Variants in GALNT15 observed in about 807,000 individuals in gnomAD.
The protein encoded by GALNT15 is UDP-GalNAc transferase T15.
GALNT15 carries 67 observed loss-of-function variants against 66.8 expected under a neutral mutation model. The observed-to-expected ratio is 1.00, with a 90% CI of 0.82 to 1.23. The LOEUF is 1.23. GALNT15 is among the 50% of genes most tolerant of loss of function. GALNT15 has a pLI of 0.00. For synonymous variants in GALNT15, 313 were observed against 311.5 expected (o/e 1.00, Z -0.05); for missense variants, 827 against 804.3 (o/e 1.03, Z -0.34).
chr3:16,179,002 C>T (rs1378004329), intron 1 of GALNT15, among the ~76,000 whole-genome samples: 1 of 152,216 alleles, frequency 6.6e-6, no homozygotes, highest in African/African-American at 2.4e-5. Context: ...AGGCCACAGG[C>T]CTTTTTCTGA....
chr3:16,220,778 G>T (rs1008325850), intron 8 of GALNT15, among the ~76,000 whole-genome samples: 1 of 152,228 alleles, frequency 6.6e-6, no homozygotes, highest in African/African-American at 2.4e-5. Flanking sequence ...GAGGGTCTGT[G>T]GTCCAGCCCT....
chr3:16,237,347 C>T, the GALNT15 span, among the ~76,000 whole-genome samples: 2 of 152,340 alleles, frequency 1.3e-5, no homozygotes, highest in African/African-American at 4.8e-5. The surrounding 1 kb of genome is among the most constrained non-coding windows in gnomAD (Gnocchi z 4.2). Context: ...CTGTTATGAT[C>T]CATGCTTAGG....
At chr3:16,218,802 C>T (rs898931527) in intron 6 of GALNT15, among the ~76,000 whole-genome samples, 2 of 140,638 alleles carry the variant, frequency 1.4e-5, no homozygotes, top group African/African-American at 5.5e-5. Context: ...TAGACTCTCT[C>T]TCTCTCTCTT....
At chr3:16,240,359 C>A in the GALNT15 span, among the ~76,000 whole-genome samples, 1 of 152,160 alleles carries the variant, frequency 6.6e-6, no homozygotes. Flanking sequence ...GAACCACTGG[C>A]GTGGATGACT....
At position 16,227,560 on chromosome 3, in the gene GALNT15, TA is replaced by T. The variant is rs1559696272; in HGVS notation, c.*63del. On this transcript the variant is annotated 3_prime_UTR_variant, in exon 10 of 10. Coordinates refer to ENST00000339732, the MANE Select transcript of GALNT15 (RefSeq NM_054110.5). This position sits in a 1 kb window ranked among gnomAD's most constrained non-coding sequence, Gnocchi z 4.5. ...ATCAAAATCCAGCTCCAAGTGAACT[TA>T]AAGAGCTTATATATTTCATGAAGCT... The T allele has an allele frequency of 4.3e-6, 7 of 1,613,302 alleles. No homozygotes were observed. In the South Asian group the frequency reaches 7.7e-5, roughly 18 times the overall value.
the GALNT15 span, among the ~76,000 whole-genome samples, chr3:16,246,446 C>T: frequency 1.3e-5 from 2 of 151,142 alleles, no homozygotes; most frequent in Non-Finnish European, 2.9e-5. Flanking sequence ...CTGCCTCAGC[C>T]TCCTGAGTAG....
chr3:16,183,185 G>A lies in GALNT15; in HGVS notation c.539+7495G>A, dbSNP rs1481326925. The A allele has an allele frequency of 2.0e-5, 3 of 152,422 alleles. No individual in the cohort carries two copies. The highest frequency in any genetic ancestry group is 6.5e-5 in the Admixed American group (1 of 15,304). 9.4% of individuals were successfully genotyped at this position (152,422 alleles called of 1,614,324 possible). A position where few individuals can be genotyped will look rare whatever the true frequency, so the allele number is the denominator to read the frequency against. ...AGAGTTTGGAGAACCTGCACAAAGA[G>A]AAGGGGATGGCATGTACCTTGTGAC... On this transcript the variant is annotated intron_variant, in intron 1 of 9. Coordinates refer to ENST00000339732, the MANE Select transcript of GALNT15 (RefSeq NM_054110.5). The surrounding 1 kb of genome is among the most constrained non-coding windows in gnomAD (Gnocchi z 5.2).
chr3:16,201,281 A>T (rs1415039618), intron 3 of GALNT15, among the ~76,000 whole-genome samples: 1 of 151,984 alleles, frequency 6.6e-6, no homozygotes, highest in African/African-American at 2.4e-5. Context: ...TCCCGGGTTC[A>T]CGCCATTCTC....
intron 6 of GALNT15, among the ~76,000 whole-genome samples, chr3:16,217,085 A>C (rs1405494032): frequency 6.6e-6 from 1 of 152,088 alleles, no homozygotes; most frequent in Non-Finnish European, 1.5e-5. Context: ...CTAATAAAAC[A>C]CTCTGACCTC....
rs544558967 is a variant in GALNT15, at chr3:16,187,891, C to T, written c.540-7869C>T. ...TAATAAGACACCTGCATCACAGGTG[C>T]TACCCTATTCCTCCATTCTCCCTCA... is the stretch of plus-strand genomic sequence containing the variant. On this transcript the variant is annotated intron_variant, in intron 1 of 9. Coordinates refer to ENST00000339732, the MANE Select transcript of GALNT15 (RefSeq NM_054110.5). The surrounding 1 kb of genome is among the most constrained non-coding windows in gnomAD (Gnocchi z 5.1). Among the ~76,000 whole-genome samples, 1 of 152,198 alleles carries T rather than the reference C, an allele frequency of 6.6e-6. No individual in the cohort carries two copies. The highest frequency in any genetic ancestry group is 1.5e-5 in the Non-Finnish European group (1 of 68,036).
chr3:16,243,092 T>C, the GALNT15 span, among the ~76,000 whole-genome samples: 1 of 152,170 alleles, frequency 6.6e-6, no homozygotes, highest in Non-Finnish European at 1.5e-5. Flanking sequence ...TCCCACCAGC[T>C]CTCCTCTCTT....
At position 16,219,466 on chromosome 3, in the gene GALNT15, C is replaced by T. The variant is rs2063916997; in HGVS notation, c.1456C>T (p.His486Tyr). Reference sequence around the variant, plus strand: ...AAGGAGACTGGGTTGTCGGACATTCCACTGGTTTCTGGCTAATGTCTACCC... The same window carrying T: ...AAGGAGACTGGGTTGTCGGACATTCTACTGGTTTCTGGCTAATGTCTACCC... ...LQRRLGCRTF[H>Y]WFLANVYPEL... Residue 486 changes from histidine (H) to tyrosine (Y), a missense_variant, in exon 7 of 10, where the codon CAC becomes TAC. Coordinates refer to ENST00000339732, the MANE Select transcript of GALNT15 (RefSeq NM_054110.5). This position sits in a 1 kb window ranked among gnomAD's most constrained non-coding sequence, Gnocchi z 4.3. The T allele has an allele frequency of 1.2e-6, 2 of 1,614,166 alleles. No homozygotes were observed. The highest frequency in any genetic ancestry group is 2.2e-5 in the South Asian group (2 of 91,076).
At chr3:16,244,917 G>C in the GALNT15 span, among the ~76,000 whole-genome samples, 1 of 152,104 alleles carries the variant, frequency 6.6e-6, no homozygotes, top group Non-Finnish European at 1.5e-5. Context: ...TCTGCTTTCC[G>C]CCACTGCTGC....
rs926463317 is a variant in GALNT15, at chr3:16,188,298, G to A, written c.540-7462G>A. On this transcript the variant is annotated intron_variant, in intron 1 of 9. Transcript: ENST00000339732. The surrounding 1 kb of genome is among the most constrained non-coding windows in gnomAD (Gnocchi z 4.6). ...TACAGGAACTCAGTTGGCACAAAATGGCAGCCATAGGTCGTGTCCCATCAC... is the reference window on the plus strand; with the variant it reads ...TACAGGAACTCAGTTGGCACAAAATAGCAGCCATAGGTCGTGTCCCATCAC... Among the ~76,000 whole-genome samples, 2 of 152,230 alleles carry A rather than the reference G, an allele frequency of 1.3e-5. No individual in the cohort carries two copies. The highest frequency in any genetic ancestry group is 4.8e-5 in the African/African-American group (2 of 41,450).
At chr3:16,196,582 C>G (rs895313610) in intron 2 of GALNT15, among the ~76,000 whole-genome samples, 3 of 152,316 alleles carry the variant, frequency 2.0e-5, no homozygotes, top group South Asian at 2.1e-4. Flanking sequence ...GTCAGTGGCT[C>G]TCACGCTTGA....
At chr3:16,190,501 G>A (rs1048054464) in intron 1 of GALNT15, among the ~76,000 whole-genome samples, 18 of 152,252 alleles carry the variant, frequency 1.2e-4, no homozygotes, top group East Asian at 9.7e-4. Context: ...AGCCGGGCGT[G>A]GTGGCGGGCG....
At position 16,228,254 on chromosome 3, in the gene GALNT15, C is replaced by T. The variant is rs1057182983; in HGVS notation, c.*754C>T. The T allele has an allele frequency of 1.0e-6, 1 of 985,692 alleles. No homozygotes were observed. The highest frequency in any genetic ancestry group is 1.7e-5 in the African/African-American group (1 of 57,238). The allele number at this position is 985,692 out of a possible 1,614,324, so 61.1% of individuals were successfully genotyped here. A position where few individuals can be genotyped will look rare whatever the true frequency, so the allele number is the denominator to read the frequency against. On this transcript the variant is annotated 3_prime_UTR_variant, in exon 10 of 10. Coordinates refer to ENST00000339732, the MANE Select transcript of GALNT15 (RefSeq NM_054110.5). ...CTAACTTGGTTAACCATAACCATAA[C>T]CAGATTCCCTTGCAATCGATTTCTC...
At chr3:16,244,439 C>T in the GALNT15 span, among the ~76,000 whole-genome samples, 1 of 152,228 alleles carries the variant, frequency 6.6e-6, no homozygotes, top group Admixed American at 6.5e-5. Context: ...AAACAGGATT[C>T]TGAACTTAGA....
downstream of GALNT15, chr3:16,232,133 T>C (rs73818327): frequency 6.4e-3 from 2,873 of 448,182 alleles, 76 homozygotes; most frequent in African/African-American, 0.053. Flanking sequence ...CATATGGCTA[T>C]AGTGGGAGCT....
Sources: gnomAD v4.1 joint callset for allele counts (sites outside exome capture counted in the v4.1 genomes callset) on GRCh38, gnomAD v4.1.1 for gene constraint, Gnocchi (gnomAD v3.1) non-coding constraint, MANE v1.5 for transcripts, NCBI Gene and HGNC (gene_info 2026-07-23, HGNC 2026-07-21) for gene names.